Variants in RELN observed in about 807,000 individuals in gnomAD.
RELN encodes the protein reelin.
RELN carries 108 observed loss-of-function variants against 427.6 expected under a neutral mutation model. The ratio of observed to expected loss-of-function variants is 0.25; its 90% CI spans 0.22 to 0.30. RELN has a LOEUF of 0.30. Ranked by LOEUF, RELN falls within the 10% of genes least tolerant of loss-of-function variation. The probability of loss-of-function intolerance (pLI) is 1.00; values close to 1 mark genes in which losing one functional copy is unlikely to be tolerated. For missense variants in RELN, 3,715 were observed against 4,302.8 expected (o/e 0.86, Z 3.82); for synonymous variants, 1,524 against 1,513.4 (o/e 1.01, Z -0.16).
chr7:103,913,822 GTT>G (rs1312669969), intron 2 of RELN, among the ~76,000 whole-genome samples: 3 of 151,974 alleles, frequency 2.0e-5, no homozygotes, highest in Non-Finnish European at 4.4e-5. Flanking sequence ...TACTTTTAAA[GTT>G]ATTTACTACT....
At chr7:103,805,076 A>G (rs1008442391) in intron 3 of RELN, among the ~76,000 whole-genome samples, 4 of 82,310 alleles carry the variant, frequency 4.9e-5, no homozygotes, top group Admixed American at 1.3e-4. Flanking sequence ...GTTGAGTGGA[A>G]AAAAAAAACA....
rs79925951 is a variant in RELN, at chr7:103,715,611, C to T, written c.805+7529G>A. On this transcript the variant is annotated intron_variant, in intron 8 of 64. Coordinates refer to ENST00000428762, the MANE Select transcript of RELN (RefSeq NM_005045.4). ...CAATGACCACAGGATATAAAATGAA[C>T]AGCTGTCCTCCTCCCTGCTTGTGCC... 8.7e-3 allele frequency among the ~76,000 whole-genome samples: 1,329 copies of T among 152,252 alleles called. 23 individuals are homozygous for T. Among genetic ancestry groups the T allele is most frequent in the African/African-American group, 0.031 (1,292 of 41,536 alleles).
intron 11 of RELN, among the ~76,000 whole-genome samples, chr7:103,662,011 A>T (rs2117414680): frequency 6.6e-6 from 1 of 152,338 alleles, no homozygotes; most frequent in Non-Finnish European, 1.5e-5. Flanking sequence ...ATGGGATTTA[A>T]ACTGGGTCTC....
intron 2 of RELN, among the ~76,000 whole-genome samples, chr7:103,909,769 T>A (rs1160031602): frequency 9.2e-5 from 8 of 86,924 alleles, no homozygotes; most frequent in Non-Finnish European, 1.3e-4. Context: ...TATATATATT[T>A]AATATATATA....
chr7:103,555,638 A>AT (rs1830505654), intron 38 of RELN, among the ~76,000 whole-genome samples: 3 of 151,944 alleles, frequency 2.0e-5, no homozygotes, highest in East Asian at 1.9e-4. Context: ...CGCCCAGCTA[A>AT]TTTTTTTGTA....
chr7:103,835,254 G>C (rs113968966), intron 2 of RELN, among the ~76,000 whole-genome samples: 1 of 152,162 alleles, frequency 6.6e-6, no homozygotes, highest in Non-Finnish European at 1.5e-5. Context: ...TAAAACTATG[G>C]AGACATTAAA....
chr7:103,715,068 T>C (rs145171696), intron 8 of RELN, among the ~76,000 whole-genome samples: 2 of 152,324 alleles, frequency 1.3e-5, no homozygotes, highest in East Asian at 1.9e-4. Context: ...TAGGGAAGTC[T>C]AGACTTTATG....
intron 11 of RELN, among the ~76,000 whole-genome samples, chr7:103,664,425 C>T (rs1354884778): frequency 6.6e-6 from 1 of 152,140 alleles, no homozygotes; most frequent in Non-Finnish European, 1.5e-5. Flanking sequence ...CACAGGTGCA[C>T]CAGCTTTAGG....
chr7:103,810,220 G>A (rs564348649), intron 3 of RELN, among the ~76,000 whole-genome samples: 42 of 151,982 alleles, frequency 2.8e-4, no homozygotes, highest in Admixed American at 7.2e-4. Flanking sequence ...TGACATGCCC[G>A]GGGCGTCTTC....
intron 6 of RELN, among the ~76,000 whole-genome samples, chr7:103,729,967 C>T (rs371836560): frequency 1.6e-3 from 243 of 151,494 alleles, no homozygotes; most frequent in African/African-American, 5.6e-3. Context: ...TACTACTTTT[C>T]TAATTCTTTA....
chr7:103,484,237 C>T, intron 61 of RELN: 1 of 226,904 alleles, frequency 4.4e-6, no homozygotes, highest in South Asian at 6.5e-5. Flanking sequence ...CTTCCTTAAT[C>T]TTTTCTTGTT....
At chr7:103,971,507 G>C (rs931009492) in intron 1 of RELN, among the ~76,000 whole-genome samples, 1 of 152,122 alleles carries the variant, frequency 6.6e-6, no homozygotes, top group Non-Finnish European at 1.5e-5. Flanking sequence ...AGTAATCAAA[G>C]AAGGAAAAAT....
At chr7:103,570,921 A>C (rs899654694) in intron 31 of RELN, among the ~76,000 whole-genome samples, 1 of 152,222 alleles carries the variant, frequency 6.6e-6, no homozygotes, top group Admixed American at 6.5e-5. Flanking sequence ...TATTGTATCA[A>C]TAAAAGCACC....
At chr7:103,679,055 CTT>C (rs1584401216) in intron 11 of RELN, among the ~76,000 whole-genome samples, 1 of 152,198 alleles carries the variant, frequency 6.6e-6, no homozygotes, top group African/African-American at 2.4e-5. Context: ...GATTTTGTGA[CTT>C]TTAAAAAAAA....
chr7:103,530,266 C>A (rs1330712647), intron 46 of RELN, among the ~76,000 whole-genome samples: 2 of 152,184 alleles, frequency 1.3e-5, no homozygotes, highest in Non-Finnish European at 2.9e-5. Flanking sequence ...CTCCCCGCAT[C>A]TTCTCACTAT....
intron 36 of RELN, among the ~76,000 whole-genome samples, chr7:103,559,238 C>T (rs1477603447): frequency 6.6e-6 from 1 of 152,148 alleles, no homozygotes; most frequent in East Asian, 1.9e-4. Flanking sequence ...AACGTCTATC[C>T]TTTATGAGAT....
chr7:103,677,562 T>C (rs1401064106), intron 11 of RELN, among the ~76,000 whole-genome samples: 1 of 149,562 alleles, frequency 6.7e-6, no homozygotes, highest in Non-Finnish European at 1.5e-5. Context: ...GGTCAGGAGT[T>C]CGAGACGAGC....
intron 60 of RELN, among the ~76,000 whole-genome samples, chr7:103,488,787 T>G (rs926634821): frequency 6.6e-6 from 1 of 152,238 alleles, no homozygotes; most frequent in African/African-American, 2.4e-5. Context: ...TTAGCCTCCC[T>G]GAGTCTCAGT....
At chr7:103,738,319 G>A (rs1790545393) in intron 6 of RELN, among the ~76,000 whole-genome samples, 1 of 151,834 alleles carries the variant, frequency 6.6e-6, no homozygotes, top group African/African-American at 2.4e-5. Context: ...ATCCATTCAT[G>A]TTTTAGTTCC....
Sources: gnomAD v4.1 joint callset for allele counts (sites outside exome capture counted in the v4.1 genomes callset) on GRCh38, gnomAD v4.1.1 for gene constraint, MANE v1.5 for transcripts, NCBI Gene and HGNC (gene_info 2026-07-23, HGNC 2026-07-21) for gene names.